Variants in LRRC4C observed in about 807,000 individuals in gnomAD.
LRRC4C encodes leucine-rich repeat-containing protein 4C.
Under a neutral mutation model 33.6 loss-of-function variants are expected in LRRC4C, and 5 were observed. The observed-to-expected ratio is 0.15, with a 90% confidence interval of 0.08 to 0.31. LRRC4C has a LOEUF of 0.31. Ranked by LOEUF, LRRC4C falls within the 10% of genes least tolerant of loss-of-function variation. LRRC4C has a pLI of 1.00. For missense variants in LRRC4C, 560 were observed against 796.7 expected (o/e 0.70, Z 3.58); for synonymous variants, 329 against 302.0 (o/e 1.09, Z -0.93).
At chr11:41,210,175 A>G (rs1200693446) in intron 1 of LRRC4C, among the ~76,000 whole-genome samples, 2 of 152,168 alleles carry the variant, frequency 1.3e-5, no homozygotes, top group Admixed American at 1.3e-4. Flanking sequence ...CAGTAGCCCA[A>G]GGAGACAAAC....
intron 3 of LRRC4C, among the ~76,000 whole-genome samples, chr11:40,597,679 C>T (rs1403862828): frequency 1.3e-5 from 2 of 152,090 alleles, no homozygotes; most frequent in Non-Finnish European, 2.9e-5. Flanking sequence ...GGAATAAGGA[C>T]TGATACTACA....
rs373307037 is a variant in LRRC4C at position 41,135,296 on chromosome 11, C to A, written c.-495-201573G>T. 1.6e-3 allele frequency among the ~76,000 whole-genome samples: 241 copies of A among 151,646 alleles called. 6 individuals carry two copies. In the South Asian group the frequency reaches 0.05, roughly 31 times the overall value. On this transcript the variant is annotated intron_variant, in intron 1 of 6. Coordinates refer to ENST00000528697, the MANE Select transcript of LRRC4C (RefSeq NM_001258419.2). ...TCAGCAATCAAGAATAGGGGAGGGGCAAAACAATAAAAAACAGACGTGCTA... is the reference window on the plus strand; with the variant it reads ...TCAGCAATCAAGAATAGGGGAGGGGAAAAACAATAAAAAACAGACGTGCTA...
At chr11:40,474,969 T>A (rs1049636523) in intron 3 of LRRC4C, among the ~76,000 whole-genome samples, 3 of 152,182 alleles carry the variant, frequency 2.0e-5, no homozygotes, top group African/African-American at 7.2e-5. Flanking sequence ...CTGCAGAGGA[T>A]GTGGAGAAAC....
intron 2 of LRRC4C, among the ~76,000 whole-genome samples, chr11:40,666,166 G>A (rs974870023): frequency 5.9e-5 from 9 of 152,058 alleles, no homozygotes; most frequent in Non-Finnish European, 1.3e-4. Context: ...AAATGAACTA[G>A]AGCCTCACAA....
At chr11:41,377,842 T>G (rs1444136727) in intron 1 of LRRC4C, among the ~76,000 whole-genome samples, 2 of 152,182 alleles carry the variant, frequency 1.3e-5, no homozygotes, top group Non-Finnish European at 2.9e-5. Flanking sequence ...ACAGTGACTT[T>G]CCAGCAGCTT....
intron 2 of LRRC4C, among the ~76,000 whole-genome samples, chr11:40,691,924 C>T (rs1051214361): frequency 6.6e-6 from 1 of 152,032 alleles, no homozygotes; most frequent in African/African-American, 2.4e-5. Context: ...ATTTTTGTTT[C>T]ATCACTGTCT....
chr11:40,326,052 T>C (rs1946085037), intron 3 of LRRC4C, among the ~76,000 whole-genome samples: 1 of 150,112 alleles, frequency 6.7e-6, no homozygotes, highest in South Asian at 2.1e-4. Flanking sequence ...AAAGGTGGCA[T>C]TTGGAAAACC....
At chr11:40,324,557 G>A (rs1946005354) in intron 3 of LRRC4C, among the ~76,000 whole-genome samples, 1 of 152,138 alleles carries the variant, frequency 6.6e-6, no homozygotes, top group South Asian at 2.1e-4. Context: ...ACAATAAATT[G>A]AGCACTAACT....
At chr11:40,674,371 G>T (rs1944285100) in intron 2 of LRRC4C, among the ~76,000 whole-genome samples, 3 of 152,256 alleles carry the variant, frequency 2.0e-5, no homozygotes, top group African/African-American at 7.2e-5. Flanking sequence ...AGCCTTTCCT[G>T]CTTTGCATAG....
intron 3 of LRRC4C, among the ~76,000 whole-genome samples, chr11:40,647,355 T>A (rs2136124553): frequency 6.6e-6 from 1 of 151,676 alleles, no homozygotes; most frequent in Admixed American, 6.6e-5. Context: ...TAATTTGATC[T>A]TTTTTTTTCC....
chr11:41,391,644 T>C lies in LRRC4C; in HGVS notation c.-496+67787A>G, dbSNP rs114534063. Among the ~76,000 whole-genome samples, 399 of 152,050 alleles carry C rather than the reference T, an allele frequency of 2.6e-3. 1 individual carries two copies. Among genetic ancestry groups the C allele is most frequent in the African/African-American group, 8.7e-3 (360 of 41,520 alleles). On this transcript the variant is annotated intron_variant, in intron 1 of 6. Coordinates refer to ENST00000528697, the MANE Select transcript of LRRC4C (RefSeq NM_001258419.2). ...CACTTATTTCCACATTTGATAAGTA[T>C]TTATTGATGACCCCCTAAAACCCAA...
intron 1 of LRRC4C, among the ~76,000 whole-genome samples, chr11:41,311,301 A>T (rs922513836): frequency 6.6e-6 from 1 of 152,204 alleles, no homozygotes; most frequent in Non-Finnish European, 1.5e-5. Flanking sequence ...GCTCATTTTG[A>T]GTTTTAGATT....
intron 1 of LRRC4C, among the ~76,000 whole-genome samples, chr11:41,443,481 C>G (rs1955719497): frequency 6.6e-6 from 1 of 152,012 alleles, no homozygotes; most frequent in Admixed American, 6.6e-5. Context: ...TGCACTCTAT[C>G]CTGGGCAAGA....
chr11:40,563,348 C>T (rs1196180533), intron 3 of LRRC4C, among the ~76,000 whole-genome samples: 2 of 152,024 alleles, frequency 1.3e-5, no homozygotes, highest in Non-Finnish European at 2.9e-5. Flanking sequence ...CTGTTGGTAA[C>T]TTGGGGAAAA....
At chr11:40,683,974 T>C (rs756989519) in intron 2 of LRRC4C, among the ~76,000 whole-genome samples, 1 of 152,178 alleles carries the variant, frequency 6.6e-6, no homozygotes, top group Non-Finnish European at 1.5e-5. Flanking sequence ...ACTCTAATGA[T>C]ATCACTGGTA....
intron 1 of LRRC4C, among the ~76,000 whole-genome samples, chr11:41,437,421 G>GCACA (rs138502307): frequency 0.22 from 31,438 of 144,576 alleles, 3,906 homozygotes; most frequent in Middle Eastern, 0.33. Flanking sequence ...ACGCGCGCGC[G>GCACA]CGCGCACACA....
chr11:40,197,705 G>A (rs1862376814), intron 5 of LRRC4C, among the ~76,000 whole-genome samples: 1 of 152,134 alleles, frequency 6.6e-6, no homozygotes, highest in African/African-American at 2.4e-5. Flanking sequence ...ACTGATAATA[G>A]CAATCACTTT....
At chr11:41,065,179 A>T (rs1331918892) in intron 1 of LRRC4C, among the ~76,000 whole-genome samples, 2 of 151,872 alleles carry the variant, frequency 1.3e-5, no homozygotes, top group Admixed American at 1.3e-4. Flanking sequence ...CTGTCAGCGC[A>T]GCAGTCTGGA....
At chr11:40,658,364 C>A (rs1943242421) in intron 2 of LRRC4C, among the ~76,000 whole-genome samples, 1 of 152,196 alleles carries the variant, frequency 6.6e-6, no homozygotes, top group South Asian at 2.1e-4. Flanking sequence ...CATCTTATCT[C>A]TTTTGGCAGT....
Sources: allele counts gnomAD v4.1 joint callset (sites outside exome capture counted in the v4.1 genomes callset), GRCh38; gene constraint gnomAD v4.1.1; transcripts MANE v1.5; gene names NCBI Gene and HGNC (gene_info 2026-07-23, HGNC 2026-07-21).